IFT80: variants seen among roughly 807,000 people sequenced by gnomAD.
The protein encoded by IFT80 is intraflagellar transport protein 80 homolog.
In IFT80, 79 loss-of-function variants were observed where a neutral mutation model predicts 107.9. The ratio of observed to expected loss-of-function variants is 0.73; its 90% CI spans 0.61 to 0.88. The LOEUF is 0.88. IFT80 is among the 40% of genes least tolerant of loss of function. IFT80 has a pLI of 0.00. For missense variants in IFT80, 797 were observed against 914.2 expected (o/e 0.87, Z 1.65); for synonymous variants, 299 against 300.9 (o/e 0.99, Z 0.07).
At chr3:160,313,033 TA>T (rs1432781268) in intron 9 of IFT80, among the ~76,000 whole-genome samples, 1 of 91,440 alleles carries the variant, frequency 1.1e-5, no homozygotes, top group Non-Finnish European at 2.0e-5. Flanking sequence ...ATATTATATA[TA>T]AATATATAAT....
At chr3:160,282,814 C>T (rs577179068) in intron 13 of IFT80, among the ~76,000 whole-genome samples, 8 of 152,218 alleles carry the variant, frequency 5.3e-5, no homozygotes, top group African/African-American at 1.7e-4. Context: ...ATTTGCCTGA[C>T]ATCCAAGGAA....
At chr3:160,270,525 A>G (rs1457783907) in intron 18 of IFT80, among the ~76,000 whole-genome samples, 1 of 152,164 alleles carries the variant, frequency 6.6e-6, no homozygotes, top group East Asian at 1.9e-4. Flanking sequence ...AAGGGTCAGT[A>G]TTTGCTACCA....
intron 8 of IFT80, among the ~76,000 whole-genome samples, chr3:160,331,671 T>TC (rs1719097168): frequency 6.6e-6 from 1 of 151,722 alleles, no homozygotes; most frequent in Admixed American, 6.6e-5. Flanking sequence ...CCTTGTAATT[T>TC]TTTTTTTAAG....
At chr3:160,346,905 G>A (rs1289789185) in intron 8 of IFT80, among the ~76,000 whole-genome samples, 2 of 152,036 alleles carry the variant, frequency 1.3e-5, no homozygotes, top group Non-Finnish European at 2.9e-5. Flanking sequence ...GGTCTTTTCT[G>A]AGTGTGTCTG....
chr3:160,346,384 T>C (rs1249656405), intron 8 of IFT80, among the ~76,000 whole-genome samples: 10 of 152,210 alleles, frequency 6.6e-5, no homozygotes, highest in Non-Finnish European at 1.5e-4. Context: ...CAATTATTAT[T>C]TGTCAATTAA....
At chr3:160,306,940 A>G (rs1394170545) in intron 10 of IFT80, among the ~76,000 whole-genome samples, 1 of 152,160 alleles carries the variant, frequency 6.6e-6, no homozygotes, top group African/African-American at 2.4e-5. Flanking sequence ...TCCATCCTCA[A>G]TTTTATATTC....
intron 7 of IFT80, among the ~76,000 whole-genome samples, 169 bp from the exon 8 acceptor site, chr3:160,356,319 T>C (rs563287680): frequency 5.1e-4 from 77 of 152,324 alleles, no homozygotes; most frequent in South Asian, 3.5e-3. Context: ...GCACCTTATA[T>C]ATTAGCAATT....
At chr3:160,334,696 T>C (rs778172331) in intron 8 of IFT80, among the ~76,000 whole-genome samples, 19 of 152,320 alleles carry the variant, frequency 1.2e-4, no homozygotes, top group Admixed American at 1.2e-3. Flanking sequence ...ATTACAGGCG[T>C]GGGCCACTGT....
chr3:160,268,602 T>C, intron 18 of IFT80, 66 bp from the exon 19 acceptor site: 4 of 1,489,778 alleles, frequency 2.7e-6, no homozygotes, highest in Non-Finnish European at 3.7e-6. Flanking sequence ...AGTAGAGTTC[T>C]GGAGTTGGGG....
At chr3:160,380,324 T>C (rs1181715264) in intron 3 of IFT80, among the ~76,000 whole-genome samples, 2 of 152,036 alleles carry the variant, frequency 1.3e-5, no homozygotes, top group East Asian at 3.9e-4. Flanking sequence ...ACTAAACTGA[T>C]TGACTCAGTG....
chr3:160,289,980 G>C lies in IFT80; in HGVS notation c.1316-4112C>G, dbSNP rs189803034. Reference sequence around the variant, plus strand: ...GAGAGGGTACAGAAGTGCAAGGGTTGGTAGAATTAAGGTGAAAGTTTGAAT... The same window carrying C: ...GAGAGGGTACAGAAGTGCAAGGGTTCGTAGAATTAAGGTGAAAGTTTGAAT... On this transcript the variant is annotated intron_variant, in intron 12 of 19. Coordinates refer to ENST00000326448, the MANE Select transcript of IFT80 (RefSeq NM_020800.3). Among the ~76,000 whole-genome samples, 772 of 152,258 alleles carry C rather than the reference G, an allele frequency of 5.1e-3. 6 individuals carry two copies. The highest frequency in any genetic ancestry group is 8.0e-3 in the Non-Finnish European group (542 of 68,024).
intron 7 of IFT80, among the ~76,000 whole-genome samples, chr3:160,357,259 C>A (rs545740047): frequency 3.4e-4 from 52 of 152,252 alleles, no homozygotes; most frequent in African/African-American, 1.3e-3. Context: ...TCCATCACAA[C>A]TGGCTAATTT....
At chr3:160,378,191 T>C (rs1388388275) in intron 3 of IFT80, among the ~76,000 whole-genome samples, 2 of 152,084 alleles carry the variant, frequency 1.3e-5, no homozygotes, top group Admixed American at 1.3e-4. Flanking sequence ...ATCCATTTTA[T>C]TATTTTGGTT....
chr3:160,332,857 G>A (rs1719184789), intron 8 of IFT80, among the ~76,000 whole-genome samples: 1 of 152,150 alleles, frequency 6.6e-6, no homozygotes, highest in African/African-American at 2.4e-5. Flanking sequence ...TGGTTACCCT[G>A]GGGTATATAT....
chr3:160,383,553 A>T, intron 2 of IFT80: 1 of 802,166 alleles, frequency 1.2e-6, no homozygotes, highest in Non-Finnish European at 1.5e-6. Flanking sequence ...ATACAATAAA[A>T]ATAAAATATT....
intron 19 of IFT80, 95 bp from the exon 20 acceptor site, chr3:160,258,730 G>T: frequency 1.4e-6 from 2 of 1,416,782 alleles, no homozygotes; most frequent in South Asian, 1.3e-5. Context: ...TAGACTGTGT[G>T]ACTTCCAAAA....
intron 12 of IFT80, among the ~76,000 whole-genome samples, chr3:160,292,224 T>G (rs1364918158): frequency 6.6e-6 from 1 of 152,134 alleles, no homozygotes; most frequent in Non-Finnish European, 1.5e-5. Context: ...GAGAACATAA[T>G]GCATTGATTT....
At chr3:160,275,447 T>G (rs1436429870) in intron 18 of IFT80, among the ~76,000 whole-genome samples, 1 of 152,242 alleles carries the variant, frequency 6.6e-6, no homozygotes, top group Non-Finnish European at 1.5e-5. Flanking sequence ...TTGCAGATAT[T>G]TATGTTATCT....
chr3:160,362,708 T>C (rs1445907033), intron 6 of IFT80, among the ~76,000 whole-genome samples: 1 of 151,700 alleles, frequency 6.6e-6, no homozygotes, highest in African/African-American at 2.4e-5. Context: ...ATGCAAGGGA[T>C]TCAACATACG....
Sources: gnomAD v4.1 joint callset for allele counts (sites outside exome capture counted in the v4.1 genomes callset) on GRCh38, gnomAD v4.1.1 for gene constraint, MANE v1.5 for transcripts, NCBI Gene and HGNC (gene_info 2026-07-23, HGNC 2026-07-21) for gene names.